LAG3: variants seen among roughly 807,000 people sequenced by gnomAD.
LAG3 encodes the protein lymphocyte activating 3, also known as lymphocyte activation gene 3 protein.
LAG3 carries 29 observed loss-of-function variants against 49.0 expected under a neutral mutation model. That is an observed-to-expected ratio of 0.59 (90% confidence interval 0.44 to 0.81). LAG3 has a LOEUF of 0.81. LAG3 is among the 30% of genes least tolerant of loss of function. The probability of loss-of-function intolerance (pLI) is 0.00; values close to 1 mark genes in which losing one functional copy is unlikely to be tolerated. For synonymous variants in LAG3, 320 were observed against 297.3 expected, an observed-to-expected ratio of 1.08 and a Z score of -0.79; for missense variants, 693 against 695.2, an observed-to-expected ratio of 1.00 and a Z score of 0.04.
At position 6,773,426 on chromosome 12, in the gene LAG3, G is replaced by T. The variant is rs1592495271; in HGVS notation, c.206+87G>T. ...CCGGTCCTCTGTCCCCTGCCCTGAG[G>T]TGTCACTCCCTCTGAAGCCAGTGAC... is the stretch of plus-strand genomic sequence containing the variant. On this transcript the variant is annotated intron_variant, in intron 2 of 7. Coordinates refer to ENST00000203629, the MANE Select transcript of LAG3 (RefSeq NM_002286.6). This position sits in a 1 kb window ranked among gnomAD's most constrained non-coding sequence, Gnocchi z 5.5. The T allele has an allele frequency of 1.3e-5, 19 of 1,494,188 alleles. No individual in the cohort carries two copies. In the East Asian group the frequency reaches 3.2e-4, roughly 26 times the overall value. The allele number at this position is 1,494,188 out of a possible 1,614,324, so 92.6% of individuals were successfully genotyped here.
Position 6,773,767 on chromosome 12 carries a change from G to A in LAG3, c.277G>A (p.Gly93Arg), listed in dbSNP as rs941971960. 3.8e-6 allele frequency: 5 copies of A among 1,331,516 alleles called. No individual in the cohort carries two copies. Among genetic ancestry groups the A allele is most frequent in the South Asian group, 2.0e-5 (1 of 49,460 alleles). The allele number at this position is 1,331,516 out of a possible 1,614,324, so 82.5% of individuals were successfully genotyped here. ...TCACCCGGCGGCGCCCTCCTCCTGG[G>A]GGCCCAGGCCCCGCCGCTACACGGT... is the stretch of plus-strand genomic sequence containing the variant. ...GPHPAAPSSW[G>R]PRPRRYTVLS... Residue 93 changes from glycine (G) to arginine (R), a missense_variant, in exon 3 of 8, where the codon GGG (glycine) becomes AGG (arginine). Gly to Arg is a moderately radical substitution (Grantham distance 125). Coordinates refer to ENST00000203629, the MANE Select transcript of LAG3 (RefSeq NM_002286.6). This position sits in a 1 kb window ranked among gnomAD's most constrained non-coding sequence, Gnocchi z 5.5.
At chr12:6,777,133 T>C (rs1217878551) in intron 5 of LAG3, 131 bp from the exon 6 acceptor site, 4 of 928,574 alleles carry the variant, frequency 4.3e-6, no homozygotes, top group South Asian at 1.6e-5. Context: ...CCATGACCCA[T>C]GATGTCCTTC....
chr12:6,774,714 G>A lies in LAG3; in HGVS notation c.631G>A (p.Val211Ile). The change falls in exon 4 of 8, where the codon GTC (valine) becomes ATC (isoleucine). Residue 211 changes from valine to isoleucine, a missense_variant. Transcript: ENST00000203629. ...GTTCCGGAACCGGGGCCAGGGCCGAGTCCCTGTCCGGGAGTCCCCCCATCA... is the reference window on the plus strand; with the variant it reads ...GTTCCGGAACCGGGGCCAGGGCCGAATCCCTGTCCGGGAGTCCCCCCATCA... Reference protein sequence around the residue: ...HWFRNRGQGRVPVRESPHHHL... With the variant: ...HWFRNRGQGRIPVRESPHHHL... 7 of 1,614,188 alleles carry A rather than the reference G, an allele frequency of 4.3e-6. No homozygotes were observed. The highest frequency in any genetic ancestry group is 5.9e-6 in the Non-Finnish European group (7 of 1,180,024).
chr12:6,778,332 A>G lies in LAG3; in HGVS notation c.1520A>G (p.Glu507Gly). 1 of 1,612,874 alleles carries G rather than the reference A, an allele frequency of 6.2e-7. No individual in the cohort carries two copies. Among genetic ancestry groups the G allele is most frequent in the Non-Finnish European group, 8.5e-7 (1 of 1,179,666 alleles). ...ATAGAGGAGCTGGAGCAAGAACCGG[A>G]GCCGGAGCCGGAGCCGGAACCGGAG... is the stretch of plus-strand genomic sequence containing the variant. ...SKIEELEQEPEPEPEPEPEPE... is the reference protein window; with the variant it reads ...SKIEELEQEPGPEPEPEPEPE... The change falls in exon 8 of 8, where the codon GAG becomes GGG. Residue 507 changes from glutamate (E) to glycine (G), a missense_variant. Glu to Gly is a moderately conservative substitution (Grantham distance 98, BLOSUM62 -2). Transcript: ENST00000203629.
rs149606091 is a variant in LAG3, at chr12:6,778,330, G to C, written c.1518G>C (p.Pro506=). 1.3e-4 allele frequency: 215 copies of C among 1,612,880 alleles called. No individual in the cohort carries two copies. The highest frequency in any genetic ancestry group is 1.7e-4 in the Non-Finnish European group (202 of 1,179,670). Reference sequence around the variant, plus strand: ...AGATAGAGGAGCTGGAGCAAGAACCGGAGCCGGAGCCGGAGCCGGAACCGG... The same window carrying C: ...AGATAGAGGAGCTGGAGCAAGAACCCGAGCCGGAGCCGGAGCCGGAACCGG... The part of the protein sequence containing the change: ...QSKIEELEQE[P]EPEPEPEPEP... The change falls in exon 8 of 8, where the codon CCG becomes CCC. Residue 506 remains proline, a synonymous_variant. Coordinates refer to ENST00000203629, the MANE Select transcript of LAG3 (RefSeq NM_002286.6).
intron 1 of LAG3, 64 bp downstream of exon 1, chr12:6,772,974 T>C: frequency 2.6e-6 from 4 of 1,557,134 alleles, no homozygotes; most frequent in Non-Finnish European, 3.5e-6. Flanking sequence ...CAGGGATCTC[T>C]GTGGCCACAA....
rs775877511 is a variant in LAG3 at position 6,777,981 on chromosome 12, T to G, written c.1431+60T>G. 4.4e-6 allele frequency: 7 copies of G among 1,607,070 alleles called. No homozygotes were observed. The South Asian group carries it at 6.6e-5, about 15-fold the overall frequency. ...AGCTCCCGCTCTTCCATCCTCAGAG[T>G]GCTGATGGCACCCCTTCCTCAGGAA... is the stretch of plus-strand genomic sequence containing the variant. On this transcript the variant is annotated intron_variant, in intron 7 of 7. Coordinates refer to ENST00000203629, the MANE Select transcript of LAG3 (RefSeq NM_002286.6).
In LAG3 at chr12:6,777,876, C is replaced by T. The variant is rs1325313963; in HGVS notation, c.1386C>T (p.Leu462=). Residue 462 remains leucine (L), a synonymous_variant, in exon 7 of 8, where the codon CTC becomes CTT. Transcript: ENST00000203629. ...TCATCCTTGGTGTCCTTTCTCTGCT[C>T]CTTTTGGTGACTGGAGCCTTTGGCT... ...LFLILGVLSL[L]LLVTGAFGFH... 2 of 1,613,934 alleles carry T rather than the reference C, an allele frequency of 1.2e-6. No homozygotes were observed. The highest frequency in any genetic ancestry group is 1.1e-5 in the South Asian group (1 of 91,082).
chr12:6,774,421 C>A (rs1314636993), intron 3 of LAG3, among the ~76,000 whole-genome samples, 174 bp from the exon 4 acceptor site: 1 of 152,160 alleles, frequency 6.6e-6, no homozygotes, highest in Non-Finnish European at 1.5e-5. Context: ...TCTTGGGGAT[C>A]CACTTTATGC....
Position 6,772,696 on chromosome 12 carries a change from T to A in LAG3, c.-157T>A. On this transcript the variant is annotated 5_prime_UTR_variant, in exon 1 of 8. Coordinates refer to ENST00000203629, the MANE Select transcript of LAG3 (RefSeq NM_002286.6). ...CCTCTGGTCATCCCTCCCCACCCTC[T>A]CTCCAAGGCCCTCTCCTGGTCTCCC... 1 of 441,012 alleles carries A rather than the reference T, an allele frequency of 2.3e-6. No individual in the cohort carries two copies. The highest frequency in any genetic ancestry group is 4.1e-6 in the Non-Finnish European group (1 of 244,864). 27.3% of individuals were successfully genotyped at this position (441,012 alleles called of 1,614,324 possible).
Position 6,777,336 on chromosome 12 carries a change from A to G in LAG3, c.1130A>G (p.Gln377Arg). Residue 377 changes from glutamine (Q) to arginine (R), a missense_variant, in exon 6 of 8, where the codon CAA (glutamine) becomes CGA (arginine). Transcript: ENST00000203629. Reference sequence around the variant, plus strand: ...TGTGAGGTGACTCCAGTATCTGGACAAGAACGCTTTGTGTGGAGCTCTCTG... The same window carrying G: ...TGTGAGGTGACTCCAGTATCTGGACGAGAACGCTTTGTGTGGAGCTCTCTG... Reference protein sequence around the residue: ...LLCEVTPVSGQERFVWSSLDT... With the variant: ...LLCEVTPVSGRERFVWSSLDT... 1 of 1,614,188 alleles carries G rather than the reference A, an allele frequency of 6.2e-7. No individual in the cohort carries two copies. The highest frequency in any genetic ancestry group is 8.5e-7 in the Non-Finnish European group (1 of 1,180,032).
At chr12:6,774,984 T>A in intron 4 of LAG3, 120 bp downstream of exon 4, 1 of 1,014,042 alleles carries the variant, frequency 9.9e-7, no homozygotes, top group Non-Finnish European at 1.5e-6. Flanking sequence ...GTCATTGCTG[T>A]GGGTCTCACT....
Position 6,772,876 on chromosome 12 carries a change from C to T in LAG3, c.24C>T (p.Gly8=). MWEAQFL[G]LLFLQPLWVA... is the part of the protein sequence containing the mutation. ...AGATGTGGGAGGCTCAGTTCCTGGG[C>T]TTGCTGTTTCTGCAGCCGCTTTGGG... The change falls in exon 1 of 8, where the codon GGC becomes GGT. Residue 8 remains glycine, a synonymous_variant. Coordinates refer to ENST00000203629, the MANE Select transcript of LAG3 (RefSeq NM_002286.6). 1 of 1,609,502 alleles carries T rather than the reference C, an allele frequency of 6.2e-7. No individual in the cohort carries two copies. Among genetic ancestry groups the T allele is most frequent in the Non-Finnish European group, 8.5e-7 (1 of 1,177,706 alleles).
rs1036261700 is a variant in LAG3 at position 6,773,769 on chromosome 12, G to T, written c.279G>T (p.Gly93=). The T allele has an allele frequency of 4.5e-6, 6 of 1,332,716 alleles. No individual in the cohort carries two copies. Among genetic ancestry groups the T allele is most frequent in the Admixed American group, 4.1e-5 (1 of 24,460 alleles). The allele number at this position is 1,332,716 out of a possible 1,614,324, so 82.6% of individuals were successfully genotyped here. A position where few individuals can be genotyped will look rare whatever the true frequency, so the allele number is the denominator to read the frequency against. ...GPHPAAPSSW[G]PRPRRYTVLS... is the part of the protein sequence containing the mutation. ...ACCCGGCGGCGCCCTCCTCCTGGGG[G>T]CCCAGGCCCCGCCGCTACACGGTGC... The change falls in exon 3 of 8, where the codon GGG becomes GGT. Residue 93 remains glycine, a synonymous_variant. Transcript: ENST00000203629. This position sits in a 1 kb window ranked among gnomAD's most constrained non-coding sequence, Gnocchi z 5.5.
Position 6,773,422 on chromosome 12 carries a change from T to TGAGGTGTCACTCCCTCTGAA in LAG3, c.206+85_206+104dup. 1 of 1,505,102 alleles carries TGAGGTGTCACTCCCTCTGAA rather than the reference T, an allele frequency of 6.6e-7. No homozygotes were observed. Among genetic ancestry groups the TGAGGTGTCACTCCCTCTGAA allele is most frequent in the Non-Finnish European group, 9.1e-7 (1 of 1,103,906 alleles). 93.2% of individuals were successfully genotyped at this position (1,505,102 alleles called of 1,614,324 possible). A position where few individuals can be genotyped will look rare whatever the true frequency, so the allele number is the denominator to read the frequency against. Reference sequence around the variant, plus strand: ...CGTGCCGGTCCTCTGTCCCCTGCCCTGAGGTGTCACTCCCTCTGAAGCCAG... The same window carrying TGAGGTGTCACTCCCTCTGAA: ...CGTGCCGGTCCTCTGTCCCCTGCCCTGAGGTGTCACTCCCTCTGAAGAGGTGTCACTCCCTCTGAAGCCAG... On this transcript the variant is annotated intron_variant, in intron 2 of 7. Coordinates refer to ENST00000203629, the MANE Select transcript of LAG3 (RefSeq NM_002286.6). The surrounding 1 kb of genome is among the most constrained non-coding windows in gnomAD (Gnocchi z 5.5).
Position 6,772,633 on chromosome 12 carries a change from T to G in LAG3, c.-220T>G. On this transcript the variant is annotated 5_prime_UTR_variant, in exon 1 of 8. Coordinates refer to ENST00000203629, the MANE Select transcript of LAG3 (RefSeq NM_002286.6). Reference sequence around the variant, plus strand: ...CCCGCCCCCACCTCCTCAGGCTGCCTGATCTGCCCAGCTTTCCAGCTTTCC... The same window carrying G: ...CCCGCCCCCACCTCCTCAGGCTGCCGGATCTGCCCAGCTTTCCAGCTTTCC... 2.6e-6 allele frequency: 1 copy of G among 382,992 alleles called. No homozygotes were observed. 23.7% of individuals were successfully genotyped at this position (382,992 alleles called of 1,614,324 possible).
rs951822292 is a variant in LAG3 at position 6,772,577 on chromosome 12, G to C, written c.-276G>C. 5.0e-6 allele frequency: 2 copies of C among 403,504 alleles called. No homozygotes were observed. Among genetic ancestry groups the C allele is most frequent in the Non-Finnish European group, 8.9e-6 (2 of 224,502 alleles). 25.0% of individuals were successfully genotyped at this position (403,504 alleles called of 1,614,324 possible). ...GGCCACTTTGCTCTGTCTGCTCTCC[G>C]CCACGGCCCTGCTCTGTTCCCTGGG... is the stretch of plus-strand genomic sequence containing the variant. On this transcript the variant is annotated 5_prime_UTR_variant, in exon 1 of 8. Coordinates refer to ENST00000203629, the MANE Select transcript of LAG3 (RefSeq NM_002286.6).
At chr12:6,774,559 C>T in intron 3 of LAG3, 36 bp from the exon 4 acceptor site, 3 of 1,587,424 alleles carry the variant, frequency 1.9e-6, no homozygotes, top group Middle Eastern at 3.4e-4. Context: ...AAATTGTTTC[C>T]AGTGGGCTGA....
rs145176795 is a variant in LAG3, at chr12:6,774,662, C to A, written c.579C>A (p.Arg193=). 11 of 1,614,076 alleles carry A rather than the reference C, an allele frequency of 6.8e-6. No individual in the cohort carries two copies. In the African/African-American group the frequency reaches 1.3e-4, roughly 20 times the overall value. ...DWVILNCSFS[R]PDRPASVHWF... ...TCATTTTGAACTGCTCCTTCAGCCG[C>A]CCTGACCGCCCAGCCTCTGTGCATT... Residue 193 remains arginine (R), a synonymous_variant, in exon 4 of 8, where the codon CGC becomes CGA. Transcript: ENST00000203629.
Sources: allele counts gnomAD v4.1 joint callset (sites outside exome capture counted in the v4.1 genomes callset), GRCh38; gene constraint gnomAD v4.1.1; non-coding constraint Gnocchi (gnomAD v3.1); transcripts MANE v1.5; gene names NCBI Gene and HGNC (gene_info 2026-07-23, HGNC 2026-07-21).